L3MBTL2: variants seen among roughly 807,000 people sequenced by gnomAD.
The protein encoded by L3MBTL2 is L3MBTL histone methyl-lysine binding protein 2.
L3MBTL2 carries 49 observed loss-of-function variants against 86.4 expected under a neutral mutation model. That is an observed-to-expected ratio of 0.57 (90% CI 0.45 to 0.72). The LOEUF (loss-of-function observed/expected upper bound fraction) is 0.72, where lower values mean the gene tolerates loss of function less well. L3MBTL2 is among the 30% of genes least tolerant of loss of function. The pLI, the probability that L3MBTL2 is intolerant of heterozygous loss-of-function variation, is 0.00. For missense variants in L3MBTL2, 755 were observed against 923.7 expected (o/e 0.82, Z 2.37); for synonymous variants, 336 against 350.6 (o/e 0.96, Z 0.47).
chr22:41,229,481 C>T (rs2145621087), intron 15 of L3MBTL2, 59 bp from the exon 16 acceptor site: 1 of 1,568,250 alleles, frequency 6.4e-7, no homozygotes, highest in African/African-American at 1.4e-5. Context: ...AGACCTATCC[C>T]ATAAAGCCTT....
chr22:41,228,428 G>A (rs1289951036), intron 15 of L3MBTL2: 4 of 985,334 alleles, frequency 4.1e-6, no homozygotes, highest in East Asian at 1.1e-4. Flanking sequence ...TTGAGGGGCA[G>A]AGCGGGAGCG....
chr22:41,228,147 G>A (rs112173048), intron 15 of L3MBTL2: 3 of 985,458 alleles, frequency 3.0e-6, no homozygotes, highest in South Asian at 9.4e-5. Context: ...GAGGTTGGGG[G>A]ATCCCATCCC....
At chr22:41,217,719 T>C (rs745869825) in intron 5 of L3MBTL2, 2 of 156,858 alleles carry the variant, frequency 1.3e-5, no homozygotes, top group Non-Finnish European at 2.8e-5. Flanking sequence ...GTGTGGAGCC[T>C]GCAGGCCGGG....
rs2032264959 is a variant in L3MBTL2 at position 41,227,434 on chromosome 22, C to T, written c.1822+111C>T. 2.4e-6 allele frequency: 3 copies of T among 1,228,224 alleles called. No homozygotes were observed. Among genetic ancestry groups the T allele is most frequent in the Admixed American group, 2.0e-5 (1 of 49,962 alleles). 76.1% of individuals were successfully genotyped at this position (1,228,224 alleles called of 1,614,324 possible). Reference sequence around the variant, plus strand: ...TCTTTGGCATGAGGTGGAGATGTCTCATGGACCACTTTAAGTAGAGAGTGA... The same window carrying T: ...TCTTTGGCATGAGGTGGAGATGTCTTATGGACCACTTTAAGTAGAGAGTGA... On this transcript the variant is annotated intron_variant, in intron 14 of 16. Transcript: ENST00000216237. This position sits in a 1 kb window ranked among gnomAD's most constrained non-coding sequence, Gnocchi z 6.0.
At chr22:41,211,298 T>G (rs2030760204) in intron 2 of L3MBTL2, among the ~76,000 whole-genome samples, 1 of 152,136 alleles carries the variant, frequency 6.6e-6, no homozygotes, top group African/African-American at 2.4e-5. Context: ...CCTCCTGGGC[T>G]CAGGCAATCC....
intron 8 of L3MBTL2, among the ~76,000 whole-genome samples, chr22:41,223,713 T>C (rs544913885): frequency 2.0e-5 from 3 of 152,338 alleles, no homozygotes; most frequent in African/African-American, 7.2e-5. Context: ...TTTTCCTTAG[T>C]CTAAAGTGCG....
intron 1 of L3MBTL2, among the ~76,000 whole-genome samples, chr22:41,207,435 C>G (rs2030323919): frequency 6.6e-6 from 1 of 151,790 alleles, no homozygotes; most frequent in African/African-American, 2.4e-5. Context: ...GTTGCCCAGT[C>G]TGGTCTTGAA....
intron 2 of L3MBTL2, among the ~76,000 whole-genome samples, chr22:41,210,815 G>A (rs1478988608): frequency 1.3e-5 from 2 of 152,196 alleles, no homozygotes; most frequent in Non-Finnish European, 2.9e-5. Context: ...TAACTAATGT[G>A]TATTCAGCAC....
At position 41,227,989 on chromosome 22, in the gene L3MBTL2, T is replaced by C. The variant is rs568901796; in HGVS notation, c.1888+120T>C. 5 of 1,472,720 alleles carry C rather than the reference T, an allele frequency of 3.4e-6. No individual in the cohort carries two copies. In the South Asian group the frequency reaches 5.4e-5, roughly 16 times the overall value. The allele number at this position is 1,472,720 out of a possible 1,614,324, so 91.2% of individuals were successfully genotyped here. A position where few individuals can be genotyped will look rare whatever the true frequency, so the allele number is the denominator to read the frequency against. Reference sequence around the variant, plus strand: ...GTTCCCAGGTGCTGTCCTACTGACGTAGCTCTCTTCGTGTTCCTGTCCTGT... The same window carrying C: ...GTTCCCAGGTGCTGTCCTACTGACGCAGCTCTCTTCGTGTTCCTGTCCTGT... On this transcript the variant is annotated intron_variant, in intron 15 of 16. Transcript: ENST00000216237. This position sits in a 1 kb window ranked among gnomAD's most constrained non-coding sequence, Gnocchi z 6.0.
chr22:41,227,707 G>C lies in L3MBTL2; in HGVS notation c.1823-97G>C, dbSNP rs916444228. On this transcript the variant is annotated intron_variant, in intron 14 of 16. Transcript: ENST00000216237. This position sits in a 1 kb window ranked among gnomAD's most constrained non-coding sequence, Gnocchi z 6.0. ...TTGGCTTCCTGTCTTGGGGTGTCTC[G>C]TGTGGGAGGGTGGATGGGGTCTCGG... 3.1e-6 allele frequency: 5 copies of C among 1,600,988 alleles called. No individual in the cohort carries two copies. Among genetic ancestry groups the C allele is most frequent in the Non-Finnish European group, 4.3e-6 (5 of 1,172,670 alleles).
chr22:41,210,104 G>T (rs1601489069), intron 2 of L3MBTL2, 171 bp downstream of exon 2: 11 of 544,734 alleles, frequency 2.0e-5, no homozygotes, highest in Non-Finnish European at 1.5e-5. Flanking sequence ...AGCACCCCAA[G>T]TAGCCACTGT....
At chr22:41,216,341 A>G in intron 4 of L3MBTL2, 79 bp downstream of exon 4, 1 of 1,551,682 alleles carries the variant, frequency 6.4e-7, no homozygotes, top group Non-Finnish European at 8.8e-7. Flanking sequence ...TTTCCTAGGA[A>G]TGAAGACTGG....
chr22:41,216,279 C>T lies in L3MBTL2; in HGVS notation c.520+17C>T. On this transcript the variant is annotated intron_variant, in intron 4 of 16. Transcript: ENST00000216237. The stretch of plus-strand genomic sequence containing the variant: ...GACAAGACGGTAAGATAGCAGAGGG[C>T]CCTGCTTAGGAAGCTGCCGTGGCTG... The T allele has an allele frequency of 6.2e-7, 1 of 1,608,110 alleles. No individual in the cohort carries two copies. The highest frequency in any genetic ancestry group is 8.5e-7 in the Non-Finnish European group (1 of 1,175,244).
chr22:41,225,889 C>G lies in L3MBTL2; in HGVS notation c.1452C>G (p.Ile484Met). 5 of 1,614,184 alleles carry G rather than the reference C, an allele frequency of 3.1e-6. No homozygotes were observed. The highest frequency in any genetic ancestry group is 4.2e-6 in the Non-Finnish European group (5 of 1,180,034). ...GCTACCATGCCTCTTCCCACGCCAT[C>G]TTCCCGGCCACCTTCTGTCAGAAGA... is the stretch of plus-strand genomic sequence containing the variant. The part of the protein sequence containing the change: ...WFCYHASSHA[I>M]FPATFCQKND... The change falls in exon 12 of 17, where the codon ATC becomes ATG. Residue 484 changes from isoleucine (I) to methionine (M), a missense_variant. Transcript: ENST00000216237. This position sits in a 1 kb window ranked among gnomAD's most constrained non-coding sequence, Gnocchi z 4.1.
rs2032071923 is a variant in L3MBTL2 at position 41,224,828 on chromosome 22, C to T, written c.1251+27C>T. ...TGAGGTTCAGCTCTTGGGCGCTTTT[C>T]CCCTCAGCCATGGGTCCATTCCGGG... On this transcript the variant is annotated intron_variant, in intron 10 of 16. Transcript: ENST00000216237. The surrounding 1 kb of genome is among the most constrained non-coding windows in gnomAD (Gnocchi z 4.9). 3 of 1,599,380 alleles carry T rather than the reference C, an allele frequency of 1.9e-6. No individual in the cohort carries two copies. Among genetic ancestry groups the T allele is most frequent in the African/African-American group, 1.3e-5 (1 of 74,584 alleles).
intron 5 of L3MBTL2, 127 bp downstream of exon 5, chr22:41,217,329 G>T (rs2031467260): frequency 1.5e-6 from 1 of 674,962 alleles, no homozygotes; most frequent in Non-Finnish European, 2.6e-6. Flanking sequence ...GAGACGGATG[G>T]CGTTACCACT....
intron 6 of L3MBTL2, among the ~76,000 whole-genome samples, chr22:41,220,328 C>T (rs1266289565): frequency 2.0e-5 from 3 of 152,122 alleles, no homozygotes; most frequent in Non-Finnish European, 4.4e-5. Context: ...AACAGGAATC[C>T]ACTTGCCTGG....
In L3MBTL2 at chr22:41,224,160, C is replaced by T. The variant is rs1173149212; in HGVS notation, c.1083C>T (p.Asp361=). The change falls in exon 9 of 17, where the codon GAC becomes GAT. Residue 361 remains aspartate, a synonymous_variant. Coordinates refer to ENST00000216237, the MANE Select transcript of L3MBTL2 (RefSeq NM_031488.5). The surrounding 1 kb of genome is among the most constrained non-coding windows in gnomAD (Gnocchi z 4.9). ...GRLRLLYEDG[D]SDDDFWCHMW... ...TACGGCTCCTCTACGAGGATGGTGA[C>T]AGTGACGACGACTTCTGGTGCCACA... 4 of 1,614,002 alleles carry T rather than the reference C, an allele frequency of 2.5e-6. No homozygotes were observed. Among genetic ancestry groups the T allele is most frequent in the African/African-American group, 1.3e-5 (1 of 74,932 alleles).
Position 41,225,998 on chromosome 22 carries a change from C to T in L3MBTL2, c.1504+57C>T. The T allele has an allele frequency of 1.9e-6, 3 of 1,573,770 alleles. No homozygotes were observed. Among genetic ancestry groups the T allele is most frequent in the South Asian group, 2.3e-5 (2 of 88,324 alleles). On this transcript the variant is annotated intron_variant, in intron 12 of 16. Transcript: ENST00000216237. This position sits in a 1 kb window ranked among gnomAD's most constrained non-coding sequence, Gnocchi z 4.1. ...TTGCCATCAGAAGGGGCAGGGTGTC[C>T]AGGCGCGGTGGCTCCCGCCTGTAAT...
Sources: gnomAD v4.1 joint callset for allele counts (sites outside exome capture counted in the v4.1 genomes callset) on GRCh38, gnomAD v4.1.1 for gene constraint, Gnocchi (gnomAD v3.1) non-coding constraint, MANE v1.5 for transcripts, NCBI Gene and HGNC (gene_info 2026-07-23, HGNC 2026-07-21) for gene names.